Variants in PACS2 observed in about 807,000 individuals in gnomAD.
PACS2 encodes phosphofurin acidic cluster sorting protein 2.
Under a neutral mutation model 113.0 loss-of-function variants are expected in PACS2, and 36 were observed. The ratio of observed to expected loss-of-function variants is 0.32; its 90% CI spans 0.24 to 0.42. PACS2 has a LOEUF of 0.42. Among genes scored for constraint, PACS2 ranks in the 10% least tolerant of loss-of-function variants. The probability of loss-of-function intolerance (pLI) is 1.00; values close to 1 mark genes in which losing one functional copy is unlikely to be tolerated. For missense variants in PACS2, 1,015 were observed against 1,239.5 expected, an observed-to-expected ratio of 0.82 and a Z score of 2.72; for synonymous variants, 589 against 536.1, an observed-to-expected ratio of 1.10 and a Z score of -1.36.
intron 1 of PACS2, among the ~76,000 whole-genome samples, chr14:105,319,545 T>C (rs1253582538): frequency 6.6e-6 from 1 of 152,252 alleles, no homozygotes; most frequent in Non-Finnish European, 1.5e-5. Flanking sequence ...TTCAAAGAAA[T>C]CAGTGATTTT....
chr14:105,373,005 A>G (rs782045569), intron 8 of PACS2: 9 of 152,258 alleles, frequency 5.9e-5, no homozygotes, highest in African/African-American at 1.7e-4. Context: ...TCAAAACCCA[A>G]TAAGAAAAGC....
rs1336540776 is a variant in PACS2 at position 105,365,881 on chromosome 14, C to A, written c.424-1332C>A. Among the ~76,000 whole-genome samples, 2 of 152,256 alleles carry A rather than the reference C, an allele frequency of 1.3e-5. No individual in the cohort carries two copies. The highest frequency in any genetic ancestry group is 4.8e-5 in the African/African-American group (2 of 41,470). The stretch of plus-strand genomic sequence containing the variant: ...TCCAAGTACGTGAAGCTGCGTGTGC[C>A]CCGGCGAGTTGTGGGCACGAGGGCG... On this transcript the variant is annotated intron_variant, in intron 4 of 24. Transcript: ENST00000447393. This position sits in a 1 kb window ranked among gnomAD's most constrained non-coding sequence, Gnocchi z 5.1.
At chr14:105,391,584 G>A in intron 21 of PACS2, 47 bp from the exon 22 acceptor site, 1 of 1,581,278 alleles carries the variant, frequency 6.3e-7, no homozygotes, top group Non-Finnish European at 8.6e-7. Flanking sequence ...TGGCACCCGG[G>A]CAGAGCAGCA....
intron 22 of PACS2, 34 bp downstream of exon 22, chr14:105,391,800 T>A: frequency 6.4e-7 from 1 of 1,558,068 alleles, no homozygotes; most frequent in Non-Finnish European, 8.7e-7. Flanking sequence ...ACGTTTCACT[T>A]ACCCGCCCCA....
At chr14:105,388,926 A>C (rs1595178490) in intron 19 of PACS2, 1 of 152,680 alleles carries the variant, frequency 6.5e-6, no homozygotes, top group African/African-American at 2.4e-5. Context: ...GGAGAGCCAG[A>C]CCCAGCCCAC....
At position 105,376,794 on chromosome 14, in the gene PACS2, G is replaced by A. The variant is rs782778552; in HGVS notation, c.828G>A (p.Ala276=). Residue 276 remains alanine, a synonymous_variant, in exon 9 of 25, where the codon GCG becomes GCA. Coordinates refer to ENST00000447393, the MANE Select transcript of PACS2 (RefSeq NM_001100913.3). This position sits in a 1 kb window ranked among gnomAD's most constrained non-coding sequence, Gnocchi z 4.7. The stretch of plus-strand genomic sequence containing the variant: ...TCCTGGACTCGGAGCAGGACCCTGC[G>A]GAGCACATCCCCGAGGCAGAGGAGG... ...DEVLDSEQDP[A]EHIPEAEEDL... 2.2e-5 allele frequency: 36 copies of A among 1,612,990 alleles called. No individual in the cohort carries two copies. The highest frequency in any genetic ancestry group is 6.7e-5 in the East Asian group (3 of 44,890).
In PACS2 at chr14:105,383,385, C is replaced by G; in HGVS notation, c.1652C>G (p.Thr551Ser). Residue 551 changes from threonine (T) to serine (S), a missense_variant, in exon 16 of 25, where the codon ACC becomes AGC. By Grantham distance (58) the Thr-to-Ser change is moderately conservative. This residue lies in a region of PACS2 where 859 missense variants were observed against 1,056.8 expected (regional missense o/e 0.81). Transcript: ENST00000447393. The stretch of plus-strand genomic sequence containing the variant: ...TGCAACTGCAATTCCCAGCCCCCGA[C>G]CCCCGTGAAGATCGCCGTGGCGGGA... Reference protein sequence around the residue: ...RYCNCNSQPPTPVKIAVAGAQ... With the variant: ...RYCNCNSQPPSPVKIAVAGAQ... 4.4e-6 allele frequency: 7 copies of G among 1,608,790 alleles called. No individual in the cohort carries two copies. Among genetic ancestry groups the G allele is most frequent in the Non-Finnish European group, 5.9e-6 (7 of 1,179,960 alleles).
At chr14:105,302,323 C>T (rs2058063797) in intron 1 of PACS2, among the ~76,000 whole-genome samples, 1 of 151,490 alleles carries the variant, frequency 6.6e-6, no homozygotes, top group Non-Finnish European at 1.5e-5. Context: ...CCTCTCTCAG[C>T]CTCCCGAGTA....
intron 1 of PACS2, among the ~76,000 whole-genome samples, chr14:105,332,682 C>T (rs1046320498): frequency 6.6e-5 from 10 of 152,182 alleles, no homozygotes; most frequent in African/African-American, 1.9e-4. Context: ...TCTGCCTGGT[C>T]CTCTCGTGGG....
rs587673830 is a variant in PACS2 at position 105,357,041 on chromosome 14, C to G, written c.423+1864C>G. 6.6e-5 allele frequency among the ~76,000 whole-genome samples: 10 copies of G among 152,322 alleles called. No individual in the cohort carries two copies. In the East Asian group the frequency reaches 1.9e-3, roughly 29 times the overall value. On this transcript the variant is annotated intron_variant, in intron 4 of 24. Transcript: ENST00000447393. This position sits in a 1 kb window ranked among gnomAD's most constrained non-coding sequence, Gnocchi z 5.1. ...CATGCAGGTGATGTCCTGCTGATCC[C>G]TGCCGGTCCCTGTGAGCTCCTGCCC...
At position 105,376,910 on chromosome 14, in the gene PACS2, C is replaced by A; in HGVS notation, c.944C>A (p.Pro315His). 4 of 1,609,880 alleles carry A rather than the reference C, an allele frequency of 2.5e-6. No individual in the cohort carries two copies. The highest frequency in any genetic ancestry group is 3.4e-6 in the Non-Finnish European group (4 of 1,178,204). Residue 315 changes from proline (P) to histidine (H), a missense_variant, in exon 9 of 25, where the codon CCC (proline) becomes CAC (histidine). Around this residue, in one of 3 missense-constraint regions of PACS2, gnomAD observed 859 missense variants for 1,056.8 expected, o/e 0.81. Transcript: ENST00000447393. This position sits in a 1 kb window ranked among gnomAD's most constrained non-coding sequence, Gnocchi z 4.7. ...GATGACGACAGCGTCCTCAGCACCC[C>A]CAAGCCGAAGCTGCGGTGAGCCCTA... ...MEDDDSVLST[P>H]KPKLRPYFEG...
At chr14:105,304,273 C>T (rs756573946) in intron 1 of PACS2, among the ~76,000 whole-genome samples, 11 of 152,140 alleles carry the variant, frequency 7.2e-5, no homozygotes, top group Admixed American at 1.3e-4. Context: ...GGGCAGATCA[C>T]GAGGTCAAGA....
At chr14:105,342,608 G>A (rs1015574247) in intron 1 of PACS2, among the ~76,000 whole-genome samples, 31 of 151,978 alleles carry the variant, frequency 2.0e-4, no homozygotes, top group Non-Finnish European at 4.0e-4. Context: ...TGTGTCTTGT[G>A]GCTGTCTTTA....
At chr14:105,333,609 C>T (rs2059388665) in intron 1 of PACS2, among the ~76,000 whole-genome samples, 1 of 152,254 alleles carries the variant, frequency 6.6e-6, no homozygotes, top group Admixed American at 6.5e-5. Context: ...CTTGGGAAAG[C>T]TGAGCACTGA....
rs587645054 is a variant in PACS2, at chr14:105,376,484, C to G, written c.802-284C>G. On this transcript the variant is annotated intron_variant, in intron 8 of 24. Coordinates refer to ENST00000447393, the MANE Select transcript of PACS2 (RefSeq NM_001100913.3). The surrounding 1 kb of genome is among the most constrained non-coding windows in gnomAD (Gnocchi z 4.7). ...AGTGGCCCACACCCGTCAGAGCTCA[C>G]CTGCCTGCACCCAGGCCCTCCGTGC... Among the ~76,000 whole-genome samples, 1 of 152,150 alleles carries G rather than the reference C, an allele frequency of 6.6e-6. No homozygotes were observed. The highest frequency in any genetic ancestry group is 2.1e-4 in the South Asian group (1 of 4,826).
chr14:105,328,646 A>G (rs1288950893), intron 1 of PACS2, among the ~76,000 whole-genome samples: 1 of 152,164 alleles, frequency 6.6e-6, no homozygotes, highest in Non-Finnish European at 1.5e-5. Context: ...CAGCAGCCCG[A>G]GTCTTGGCGC....
At chr14:105,328,275 AG>A (rs1566907038) in intron 1 of PACS2, among the ~76,000 whole-genome samples, 2 of 152,352 alleles carry the variant, frequency 1.3e-5, no homozygotes, top group East Asian at 3.9e-4. Flanking sequence ...GGGAGGAGGC[AG>A]CTGTCCAGGG....
chr14:105,392,912 C>G, intron 23 of PACS2, 67 bp downstream of exon 23: 2 of 1,294,196 alleles, frequency 1.5e-6, no homozygotes, highest in Non-Finnish European at 2.2e-6. Context: ...GGGCGGCTCG[C>G]AGTCAACAGG....
intron 4 of PACS2, among the ~76,000 whole-genome samples, chr14:105,359,587 CTTTTTT>C (rs1162190552): frequency 2.0e-5 from 2 of 101,808 alleles, no homozygotes; most frequent in African/African-American, 8.2e-5. Context: ...GTATTTCTTT[CTTTTTT>C]TTTTTTTTTT....
Sources: allele counts gnomAD v4.1 joint callset (sites outside exome capture counted in the v4.1 genomes callset), GRCh38; gene constraint gnomAD v4.1.1; regional missense constraint gnomAD v4.1.1; non-coding constraint Gnocchi (gnomAD v3.1); transcripts MANE v1.5; gene names NCBI Gene and HGNC (gene_info 2026-07-23, HGNC 2026-07-21).